Variants in EXOC5 observed in about 807,000 individuals in gnomAD.
EXOC5 encodes the protein SEC10-like 1.
Under a neutral mutation model 90.8 loss-of-function variants are expected in EXOC5, and 17 were observed. The ratio of observed to expected loss-of-function variants is 0.19; its 90% confidence interval spans 0.13 to 0.28. EXOC5 has a LOEUF of 0.28. EXOC5 is among the 10% of genes least tolerant of loss of function. The probability of loss-of-function intolerance (pLI) is 1.00; values close to 1 mark genes in which losing one functional copy is unlikely to be tolerated. For missense variants in EXOC5, 569 were observed against 830.6 expected (o/e 0.69, Z 3.87); for synonymous variants, 260 against 270.0 (o/e 0.96, Z 0.36).
chr14:57,219,316 A>C lies in EXOC5; in HGVS notation c.1526+6T>G. 6.8e-7 allele frequency: 1 copy of C among 1,460,282 alleles called. No individual in the cohort carries two copies. The highest frequency in any genetic ancestry group is 9.1e-7 in the Non-Finnish European group (1 of 1,092,938). The allele number at this position is 1,460,282 out of a possible 1,614,324, so 90.5% of individuals were successfully genotyped here. A position where few individuals can be genotyped will look rare whatever the true frequency, so the allele number is the denominator to read the frequency against. ...ATATCAATGAAAATCAGATAATTTGACTAACCTTATTAGTGGCATAAGGTG... is the reference window on the plus strand; with the variant it reads ...ATATCAATGAAAATCAGATAATTTGCCTAACCTTATTAGTGGCATAAGGTG... On this transcript the variant is annotated splice_donor_region_variant and intron_variant, in intron 14 of 17. Coordinates refer to ENST00000621441, the MANE Select transcript of EXOC5 (RefSeq NM_006544.4).
At chr14:57,238,244 AC>A (rs1883730918) in intron 5 of EXOC5, among the ~76,000 whole-genome samples, 2 of 149,668 alleles carry the variant, frequency 1.3e-5, no homozygotes, top group African/African-American at 2.4e-5. Flanking sequence ...ACACACACAC[AC>A]ACACACACAC....
chr14:57,216,154 A>C (rs1377537920), intron 15 of EXOC5, among the ~76,000 whole-genome samples: 3 of 152,164 alleles, frequency 2.0e-5, no homozygotes, highest in Non-Finnish European at 4.4e-5. Context: ...TTGCCAAAAG[A>C]AACAAGTAAA....
chr14:57,240,669 T>G (rs532709863), intron 4 of EXOC5, among the ~76,000 whole-genome samples: 62 of 152,246 alleles, frequency 4.1e-4, no homozygotes, highest in Non-Finnish European at 7.8e-4. Flanking sequence ...TGTGCTTATT[T>G]ACACAACAGT....
intron 4 of EXOC5, 36 bp downstream of exon 4, chr14:57,244,129 T>C (rs371984063): frequency 5.0e-6 from 7 of 1,411,010 alleles, no homozygotes; most frequent in Non-Finnish European, 6.0e-6. Flanking sequence ...CTGTTATTAA[T>C]GCTGTGATTT....
intron 13 of EXOC5, among the ~76,000 whole-genome samples, chr14:57,221,944 A>C (rs1295159576): frequency 6.6e-6 from 1 of 152,152 alleles, no homozygotes; most frequent in African/African-American, 2.4e-5. Context: ...ATTTTTTTCC[A>C]GACTTAGTTT....
At chr14:57,246,171 C>T (rs1026432488) in intron 3 of EXOC5, among the ~76,000 whole-genome samples, 5 of 152,240 alleles carry the variant, frequency 3.3e-5, no homozygotes, top group Middle Eastern at 3.4e-3. Flanking sequence ...AGCCCCAGGA[C>T]CAATCTAGTG....
rs1882626047 is a variant in EXOC5, at chr14:57,205,529, G to A, written c.*3080C>T. 3.9e-6 allele frequency: 1 copy of A among 253,300 alleles called. No individual in the cohort carries two copies. The highest frequency in any genetic ancestry group is 7.7e-6 in the Non-Finnish European group (1 of 130,534). 15.7% of individuals were successfully genotyped at this position (253,300 alleles called of 1,614,324 possible). On this transcript the variant is annotated 3_prime_UTR_variant, in exon 18 of 18. Transcript: ENST00000621441. The stretch of plus-strand genomic sequence containing the variant: ...CAAGCATGCCTTAGCCACTACCTTA[G>A]GTACTTGACCACTTTAAGGGGTTTT...
At chr14:57,255,259 A>G (rs564065624) in intron 1 of EXOC5, among the ~76,000 whole-genome samples, 1 of 152,278 alleles carries the variant, frequency 6.6e-6, no homozygotes, top group East Asian at 1.9e-4. Context: ...GCCCCATTCA[A>G]GACTAATCAC....
intron 7 of EXOC5, among the ~76,000 whole-genome samples, chr14:57,235,252 C>A (rs1281503324): frequency 1.3e-5 from 2 of 152,154 alleles, no homozygotes; most frequent in Non-Finnish European, 2.9e-5. Context: ...AGTTCAAATT[C>A]TAGGTAAACA....
At chr14:57,234,534 T>TGG (rs1426242550) in intron 7 of EXOC5, among the ~76,000 whole-genome samples, 1 of 148,096 alleles carries the variant, frequency 6.8e-6, no homozygotes, top group East Asian at 1.9e-4. Context: ...TGTGTGTGTG[T>TGG]GTGTATATAT....
chr14:57,241,137 A>G (rs903954085), intron 4 of EXOC5, among the ~76,000 whole-genome samples: 3 of 152,176 alleles, frequency 2.0e-5, no homozygotes, highest in African/African-American at 7.2e-5. Flanking sequence ...TACAGGCTTG[A>G]GACACCACGC....
rs564806128 is a variant in EXOC5, at chr14:57,231,591, C to T, written c.1063G>A (p.Gly355Arg). The change falls in exon 11 of 18, where the codon GGA becomes AGA. Residue 355 changes from glycine to arginine, a missense_variant. Gly to Arg is a moderately radical substitution (Grantham distance 125, BLOSUM62 -2). Transcript: ENST00000621441. ...YLENYIEVET[G>R]YLKSRSAMIL... ...ATAGCACTTCTGCTTTTCAAATATCCAGTCTCCACCTCAATATAGTTCTCC... is the reference window on the plus strand; with the variant it reads ...ATAGCACTTCTGCTTTTCAAATATCTAGTCTCCACCTCAATATAGTTCTCC... 3 of 1,612,982 alleles carry T rather than the reference C, an allele frequency of 1.9e-6. No homozygotes were observed. Among genetic ancestry groups the T allele is most frequent in the East Asian group, 2.2e-5 (1 of 44,818 alleles).
At chr14:57,221,084 T>C (rs1385375024) in intron 13 of EXOC5, among the ~76,000 whole-genome samples, 1 of 152,166 alleles carries the variant, frequency 6.6e-6, no homozygotes, top group African/African-American at 2.4e-5. Context: ...TAAGGATAAC[T>C]GGGCTGGGAG....
chr14:57,202,207 C>G lies in EXOC5; in HGVS notation c.*6402G>C, dbSNP rs921290367. On this transcript the variant is annotated 3_prime_UTR_variant, in exon 18 of 18. Coordinates refer to ENST00000621441, the MANE Select transcript of EXOC5 (RefSeq NM_006544.4). ...CTACCCTATAATCTATAAAAATGTCCAGAGTCAAAAAAGTCAAGGAAAGAC... is the reference window on the plus strand; with the variant it reads ...CTACCCTATAATCTATAAAAATGTCGAGAGTCAAAAAAGTCAAGGAAAGAC... 4 of 151,984 alleles carry G rather than the reference C, an allele frequency of 2.6e-5. No homozygotes were observed. Among genetic ancestry groups the G allele is most frequent in the Admixed American group, 2.0e-4 (3 of 15,258 alleles). The allele number at this position is 151,984 out of a possible 1,614,324, so 9.4% of individuals were successfully genotyped here.
chr14:57,250,654 A>T (rs1254022351), intron 1 of EXOC5, among the ~76,000 whole-genome samples: 4 of 152,160 alleles, frequency 2.6e-5, no homozygotes, highest in Non-Finnish European at 5.9e-5. Context: ...GTCCATGAGC[A>T]TACCTAGTGG....
At chr14:57,234,165 TA>T (rs1883577558) in intron 7 of EXOC5, 133 bp from the exon 8 acceptor site, 3 of 616,754 alleles carry the variant, frequency 4.9e-6, no homozygotes, top group Non-Finnish European at 8.5e-6. Flanking sequence ...CTGTTGGACT[TA>T]AATAAAATTA....
intron 3 of EXOC5, among the ~76,000 whole-genome samples, 167 bp from the exon 4 acceptor site, chr14:57,244,526 T>C (rs1183675534): frequency 3.3e-5 from 5 of 152,112 alleles, no homozygotes; most frequent in African/African-American, 7.2e-5. Flanking sequence ...TTAACCAAAC[T>C]GCAAACTTTT....
chr14:57,250,243 G>T (rs1884151887), intron 1 of EXOC5, among the ~76,000 whole-genome samples: 1 of 152,190 alleles, frequency 6.6e-6, no homozygotes, highest in Non-Finnish European at 1.5e-5. Context: ...GTGACTAAAA[G>T]AGAGTGAATG....
rs1566720536 is a variant in EXOC5 at position 57,201,512 on chromosome 14, A to AAACACACATGTGTATATACACACACG, written c.*7096_*7097insCGTGTGTGTATATACACATGTGTGTT. The AAACACACATGTGTATATACACACACG allele has an allele frequency of 1.2e-3, 179 of 143,386 alleles. No homozygotes were observed. Among genetic ancestry groups the AAACACACATGTGTATATACACACACG allele is most frequent in the African/African-American group, 4.8e-3 (176 of 37,008 alleles). 8.9% of individuals were successfully genotyped at this position (143,386 alleles called of 1,614,324 possible). A position where few individuals can be genotyped will look rare whatever the true frequency, so the allele number is the denominator to read the frequency against. ...AACACACGTGTATATACACACACAT[A>AAACACACATGTGTATATACACACACG]TGTATATATATACACACACACCACA... is the stretch of plus-strand genomic sequence containing the variant. On this transcript the variant is annotated 3_prime_UTR_variant, in exon 18 of 18. Coordinates refer to ENST00000621441, the MANE Select transcript of EXOC5 (RefSeq NM_006544.4).
Sources: gnomAD v4.1 joint callset for allele counts (sites outside exome capture counted in the v4.1 genomes callset) on GRCh38, gnomAD v4.1.1 for gene constraint, MANE v1.5 for transcripts, NCBI Gene and HGNC (gene_info 2026-07-23, HGNC 2026-07-21) for gene names.